TMC2: variants seen among roughly 807,000 people sequenced by gnomAD.
TMC2 encodes transmembrane channel-like protein 2.
In TMC2, 102 loss-of-function variants were observed where a neutral mutation model predicts 105.9. The observed-to-expected ratio is 0.96, with a 90% CI of 0.82 to 1.14. The LOEUF (loss-of-function observed/expected upper bound fraction) is 1.14, where lower values mean the gene tolerates loss of function less well. TMC2 is among the 50% of genes most tolerant of loss of function. TMC2 has a pLI of 0.00. For missense variants in TMC2, 1,093 were observed against 1,134.3 expected (o/e 0.96, Z 0.52); for synonymous variants, 402 against 422.8 (o/e 0.95, Z 0.60).
Position 2,550,184 on chromosome 20 carries a change from C to CA in TMC2, c.83-8257dup, listed in dbSNP as rs35275453. Among the ~76,000 whole-genome samples the CA allele has an allele frequency of 8.5e-4, 122 of 143,060 alleles. 1 individual carries two copies. In the East Asian group the frequency reaches 9.7e-3, roughly 11 times the overall value. 93.9% of individuals were successfully genotyped at this position (143,060 alleles called of 152,430 possible). A position where few individuals can be genotyped will look rare whatever the true frequency, so the allele number is the denominator to read the frequency against. On this transcript the variant is annotated intron_variant, in intron 2 of 19. Coordinates refer to ENST00000358864, the MANE Select transcript of TMC2 (RefSeq NM_080751.3). ...TGGGCAACAGAGCCAGACTCTGTCT[C>CA]AAAAAAAAAAAAAAATTAGCTCCAT... is the stretch of plus-strand genomic sequence containing the variant.
At chr20:2,630,981 CTA>C (rs974256601) in intron 17 of TMC2, among the ~76,000 whole-genome samples, 1 of 152,124 alleles carries the variant, frequency 6.6e-6, no homozygotes, top group African/African-American at 2.4e-5. Context: ...CTGCTGTTTT[CTA>C]TATGTCTTAT....
chr20:2,537,385 C>A (rs957407477), intron 2 of TMC2, 69 bp downstream of exon 2: 2 of 1,252,702 alleles, frequency 1.6e-6, no homozygotes, highest in Non-Finnish European at 2.3e-6. Flanking sequence ...GCCCAACAGT[C>A]CAGCCACCCA....
chr20:2,579,909 C>T, intron 6 of TMC2, 41 bp from the exon 7 acceptor site: 1 of 1,373,360 alleles, frequency 7.3e-7, no homozygotes. Context: ...TCCATTTTTT[C>T]CTTCTGCAGC....
intron 7 of TMC2, among the ~76,000 whole-genome samples, chr20:2,584,735 T>C (rs1221511258): frequency 6.6e-6 from 1 of 152,218 alleles, no homozygotes; most frequent in Admixed American, 6.5e-5. Flanking sequence ...TTTGTCTTTT[T>C]TAGTTATTTT....
At chr20:2,589,630 T>A (rs1174357863) in intron 7 of TMC2, among the ~76,000 whole-genome samples, 1 of 152,146 alleles carries the variant, frequency 6.6e-6, no homozygotes, top group East Asian at 1.9e-4. Flanking sequence ...AAAGAGTTTG[T>A]CCAAAGCAAC....
At chr20:2,580,081 T>C (rs781290558) in intron 7 of TMC2, 25 bp downstream of exon 7, 2 of 1,481,276 alleles carry the variant, frequency 1.4e-6, no homozygotes, top group Non-Finnish European at 1.9e-6. Context: ...TCCTAAATCT[T>C]TGGATAGAGT....
intron 4 of TMC2, among the ~76,000 whole-genome samples, 172 bp from the exon 5 acceptor site, chr20:2,572,007 G>A (rs1391938832): frequency 2.0e-5 from 3 of 152,114 alleles, no homozygotes; most frequent in Non-Finnish European, 4.4e-5. Context: ...TCAGCATTTG[G>A]GAAACTTCAG....
chr20:2,538,688 T>C (rs2085868320), intron 2 of TMC2, among the ~76,000 whole-genome samples: 1 of 152,216 alleles, frequency 6.6e-6, no homozygotes, highest in Admixed American at 6.5e-5. Flanking sequence ...CCTTTCCTAC[T>C]GAAATATTCC....
At chr20:2,567,158 G>A (rs1776910242) in intron 4 of TMC2, among the ~76,000 whole-genome samples, 1 of 152,212 alleles carries the variant, frequency 6.6e-6, no homozygotes, top group South Asian at 2.1e-4. Flanking sequence ...GTTTCGGTGA[G>A]GACCATGTGG....
rs752103386 is a variant in TMC2, at chr20:2,537,342, G to A, written c.82+26G>A. ...GTGAGATGGGGTGGTGGGGTCTCTG[G>A]GGAGCCTGCAGTGCCTGGGTGCCCT... is the stretch of plus-strand genomic sequence containing the variant. On this transcript the variant is annotated intron_variant, in intron 2 of 19. Transcript: ENST00000358864. 13 of 1,584,588 alleles carry A rather than the reference G, an allele frequency of 8.2e-6. No individual in the cohort carries two copies. The African/African-American group carries it at 1.6e-4, about 20-fold the overall frequency.
In TMC2 at chr20:2,637,488, G is replaced by C. The variant is rs761789664; in HGVS notation, c.2400G>C (p.Glu800Asp). The C allele has an allele frequency of 6.2e-7, 1 of 1,613,144 alleles. No homozygotes were observed. Among genetic ancestry groups the C allele is most frequent in the East Asian group, 2.2e-5 (1 of 44,866 alleles). ...RKKIQVLREV[E>D]KSHKSVKGKA... ...ATTTCCTGCAGCTCCGTGAAGTTGA[G>C]AAGAGTCACAAATCTGTAAAAGGCA... Residue 800 changes from glutamate to aspartate, a missense_variant, in exon 19 of 20, where the codon GAG becomes GAC. Coordinates refer to ENST00000358864, the MANE Select transcript of TMC2 (RefSeq NM_080751.3).
chr20:2,538,223 G>T (rs2085864714), intron 2 of TMC2, among the ~76,000 whole-genome samples: 1 of 152,150 alleles, frequency 6.6e-6, no homozygotes, highest in African/African-American at 2.4e-5. Flanking sequence ...GTTACAAGGG[G>T]AGAGACCCAG....
At chr20:2,585,149 T>C (rs2086223406) in intron 7 of TMC2, among the ~76,000 whole-genome samples, 1 of 152,214 alleles carries the variant, frequency 6.6e-6, no homozygotes, top group Admixed American at 6.5e-5. Flanking sequence ...TTATCAGTCA[T>C]TTGTCCCTTT....
chr20:2,551,475 A>G (rs536801972), intron 2 of TMC2, among the ~76,000 whole-genome samples: 4 of 149,152 alleles, frequency 2.7e-5, no homozygotes, highest in Non-Finnish European at 5.9e-5. Context: ...TAAAACATCA[A>G]TTTTTCTCTT....
At chr20:2,585,491 T>C (rs889153577) in intron 7 of TMC2, among the ~76,000 whole-genome samples, 2 of 152,220 alleles carry the variant, frequency 1.3e-5, no homozygotes, top group African/African-American at 4.8e-5. Context: ...GGGTCAGGAA[T>C]CCAGAAGTGG....
In TMC2 at chr20:2,643,127, C is replaced by G. The variant is rs2086699748; in HGVS notation, c.*1776C>G. On this transcript the variant is annotated 3_prime_UTR_variant, in exon 20 of 20. Transcript: ENST00000358864. ...AGGATAAATTATTTCACACCAATCT[C>G]TCCTGGCAAGGCTAACGAAGATGTT... 6.6e-6 allele frequency among the ~76,000 whole-genome samples: 1 copy of G among 152,174 alleles called. No individual in the cohort carries two copies. Among genetic ancestry groups the G allele is most frequent in the Non-Finnish European group, 1.5e-5 (1 of 68,038 alleles).
At position 2,609,720 on chromosome 20, in the gene TMC2, G is replaced by A. The variant is rs79119620; in HGVS notation, c.1414-699G>A. On this transcript the variant is annotated intron_variant, in intron 11 of 19. Transcript: ENST00000358864. ...AGGTGAGAACTACATGGACAGGTAC[G>A]GAGATGATGAGAAACCAAGCCAAGG... Among the ~76,000 whole-genome samples the A allele has an allele frequency of 1.5e-3, 227 of 152,288 alleles. 1 individual carries two copies. The highest frequency in any genetic ancestry group is 4.9e-3 in the African/African-American group (204 of 41,562).
intron 9 of TMC2, among the ~76,000 whole-genome samples, chr20:2,596,349 G>A (rs527950835): frequency 1.2e-4 from 19 of 152,200 alleles, no homozygotes; most frequent in South Asian, 4.1e-4. Flanking sequence ...AAGTAGTACC[G>A]GGCCGGGCGT....
chr20:2,616,043 G>T lies in TMC2; in HGVS notation c.1873-94G>T. ...GGCTCTTTGGGATGGAATGGCCTTG[G>T]CTTGGCCAGTTGGTTGGTAGTAGGG... On this transcript the variant is annotated intron_variant, in intron 14 of 19. Transcript: ENST00000358864. This position sits in a 1 kb window ranked among gnomAD's most constrained non-coding sequence, Gnocchi z 4.8. 1.1e-6 allele frequency: 1 copy of T among 951,170 alleles called. No homozygotes were observed. Among genetic ancestry groups the T allele is most frequent in the Non-Finnish European group, 1.7e-6 (1 of 603,482 alleles). 58.9% of individuals were successfully genotyped at this position (951,170 alleles called of 1,614,324 possible).
Sources: gnomAD v4.1 joint callset for allele counts (sites outside exome capture counted in the v4.1 genomes callset) on GRCh38, gnomAD v4.1.1 for gene constraint, Gnocchi (gnomAD v3.1) non-coding constraint, MANE v1.5 for transcripts, NCBI Gene and HGNC (gene_info 2026-07-23, HGNC 2026-07-21) for gene names.